HMGCLL1: variants seen among roughly 807,000 people sequenced by gnomAD.
HMGCLL1 encodes 3-hydroxy-3-methylglutaryl-CoA lyase like 1.
HMGCLL1 carries 36 observed loss-of-function variants against 39.1 expected under a neutral mutation model. The ratio of observed to expected loss-of-function variants is 0.92; its 90% CI spans 0.71 to 1.22. The LOEUF is 1.22. HMGCLL1 is among the 50% of genes most tolerant of loss of function. The pLI, the probability that HMGCLL1 is intolerant of heterozygous loss-of-function variation, is 0.00. For synonymous variants in HMGCLL1, 149 were observed against 144.0 expected (o/e 1.03, Z -0.25); for missense variants, 451 against 416.5 (o/e 1.08, Z -0.72).
chr6:55,547,267 G>A (rs1183937390), intron 1 of HMGCLL1, among the ~76,000 whole-genome samples: 1 of 151,950 alleles, frequency 6.6e-6, no homozygotes, highest in Admixed American at 6.6e-5. Flanking sequence ...TTAAATGGAA[G>A]GCATATTTTG....
chr6:55,653,432 A>G, the HMGCLL1 span, among the ~76,000 whole-genome samples: 1 of 152,082 alleles, frequency 6.6e-6, no homozygotes, highest in Non-Finnish European at 1.5e-5. Context: ...TTCAAGAGGC[A>G]GATCTTAGAG....
chr6:55,590,009 AT>A, the HMGCLL1 span, among the ~76,000 whole-genome samples: 12,927 of 152,178 alleles, frequency 0.085, 740 homozygotes, highest in Non-Finnish European at 0.13. Flanking sequence ...TGCCATCCCC[AT>A]CAAGCTACCA....
intron 3 of HMGCLL1, among the ~76,000 whole-genome samples, chr6:55,533,111 A>G (rs113513118): frequency 0.01 from 1,529 of 151,504 alleles, 23 homozygotes; most frequent in African/African-American, 0.034. Flanking sequence ...TATCATCACT[A>G]TTTGTAAAGA....
the HMGCLL1 span, among the ~76,000 whole-genome samples, chr6:55,650,108 T>TATATATATATATATATACACACATATAC: frequency 9.2e-5 from 7 of 75,786 alleles, 1 homozygote; most frequent in Non-Finnish European, 1.7e-4. Flanking sequence ...TATATATATA[T>TATATATATATATATATACACACATATAC]ATATATATAT....
At chr6:55,588,775 C>T in the HMGCLL1 span, among the ~76,000 whole-genome samples, 1 of 152,062 alleles carries the variant, frequency 6.6e-6, no homozygotes, top group Admixed American at 6.6e-5. Flanking sequence ...ATATTATAAA[C>T]ACCTCTATGC....
chr6:55,515,547 G>A (rs1312636933), intron 4 of HMGCLL1, among the ~76,000 whole-genome samples: 6 of 152,008 alleles, frequency 3.9e-5, no homozygotes, highest in African/African-American at 1.2e-4. Context: ...ATCACACAGG[G>A]AGTAAAAGTT....
At chr6:55,519,017 T>C (rs1408505367) in intron 3 of HMGCLL1, among the ~76,000 whole-genome samples, 1 of 152,118 alleles carries the variant, frequency 6.6e-6, no homozygotes, top group East Asian at 1.9e-4. Context: ...TGGTAACATA[T>C]TATTTGGCTA....
upstream of HMGCLL1, among the ~76,000 whole-genome samples, chr6:55,582,266 A>C (rs969083616): frequency 7.9e-5 from 12 of 152,210 alleles, no homozygotes; most frequent in Non-Finnish European, 7.3e-5. Flanking sequence ...TAAATGACAG[A>C]ATATATAAAG....
chr6:55,589,297 C>A, the HMGCLL1 span, among the ~76,000 whole-genome samples: 3 of 152,230 alleles, frequency 2.0e-5, no homozygotes, highest in African/African-American at 7.2e-5. Context: ...GAACCAAAGA[C>A]AAAAACCACG....
At chr6:55,675,610 G>A in the HMGCLL1 span, among the ~76,000 whole-genome samples, 1 of 152,078 alleles carries the variant, frequency 6.6e-6, no homozygotes, top group Admixed American at 6.6e-5. Context: ...GACCAACAAT[G>A]TAAAATAACA....
chr6:55,569,386 C>T (rs1326205217), intron 1 of HMGCLL1, among the ~76,000 whole-genome samples: 1 of 152,128 alleles, frequency 6.6e-6, no homozygotes, highest in Non-Finnish European at 1.5e-5. Context: ...GATAATTGGG[C>T]TCCAACTCAG....
At chr6:55,570,523 G>A (rs1326223198) in intron 1 of HMGCLL1, among the ~76,000 whole-genome samples, 1 of 152,124 alleles carries the variant, frequency 6.6e-6, no homozygotes, top group Non-Finnish European at 1.5e-5. Flanking sequence ...TGGCCATATA[G>A]TCTCTATCCC....
intron 3 of HMGCLL1, among the ~76,000 whole-genome samples, chr6:55,530,950 C>T (rs1768629640): frequency 6.6e-6 from 1 of 152,126 alleles, no homozygotes; most frequent in African/African-American, 2.4e-5. Flanking sequence ...AAAATAACTG[C>T]TATGATATGT....
the HMGCLL1 span, among the ~76,000 whole-genome samples, chr6:55,642,159 T>C: frequency 1.4e-5 from 2 of 138,926 alleles, no homozygotes; most frequent in South Asian, 2.4e-4. Context: ...ATATGCGGTG[T>C]TTGGTTTTTT....
chr6:55,497,859 A>G (rs778381277), intron 6 of HMGCLL1, among the ~76,000 whole-genome samples: 1 of 152,210 alleles, frequency 6.6e-6, no homozygotes, highest in Non-Finnish European at 1.5e-5. Context: ...CCAGGTAGGG[A>G]AAAAGCTAAA....
intron 7 of HMGCLL1, among the ~76,000 whole-genome samples, chr6:55,471,682 C>T (rs897029311): frequency 1.4e-5 from 2 of 146,812 alleles, no homozygotes; most frequent in African/African-American, 2.7e-5. Flanking sequence ...ATATTTTTTT[C>T]TTTTTTTAAA....
the HMGCLL1 span, among the ~76,000 whole-genome samples, chr6:55,670,388 C>T: frequency 6.6e-6 from 1 of 151,580 alleles, no homozygotes; most frequent in East Asian, 1.9e-4. Flanking sequence ...GAAATTATAC[C>T]AGAAGAAAAT....
chr6:55,573,298 C>T (rs1771609860), intron 1 of HMGCLL1, among the ~76,000 whole-genome samples: 1 of 152,134 alleles, frequency 6.6e-6, no homozygotes, highest in Non-Finnish European at 1.5e-5. Context: ...TCTCAAATTA[C>T]ATCTATAATT....
intron 1 of HMGCLL1, chr6:55,577,206 T>C (rs2127480024): frequency 1.3e-6 from 2 of 1,547,070 alleles, no homozygotes; most frequent in East Asian, 2.5e-5. Context: ...TGTCAGATGT[T>C]AGTGCTGCTG....
Sources: allele counts gnomAD v4.1 joint callset (sites outside exome capture counted in the v4.1 genomes callset), GRCh38; gene constraint gnomAD v4.1.1; transcripts MANE v1.5; gene names NCBI Gene and HGNC (gene_info 2026-07-23, HGNC 2026-07-21).